The following CFAP299 variants were observed in gnomAD, a reference collection of about 807,000 sequenced individuals.
CFAP299 encodes the protein cilia- and flagella-associated protein 299.
A neutral mutation model predicts 27.0 loss-of-function variants in CFAP299; 21 were observed. The ratio of observed to expected loss-of-function variants is 0.78; its 90% CI spans 0.55 to 1.12. The LOEUF (loss-of-function observed/expected upper bound fraction) is 1.12, where lower values mean the gene tolerates loss of function less well. CFAP299 is among the 50% of genes most tolerant of loss of function. The pLI is 0.00. For missense variants in CFAP299, 310 were observed against 276.6 expected (o/e 1.12, Z -0.86); for synonymous variants, 104 against 98.1 (o/e 1.06, Z -0.36).
intron 2 of CFAP299, among the ~76,000 whole-genome samples, chr4:80,451,579 G>A (rs572107909): frequency 4.7e-4 from 72 of 152,110 alleles, no homozygotes; most frequent in Non-Finnish European, 7.6e-4. Context: ...ACACAGTATG[G>A]TATTATCTAC....
chr4:80,961,997 G>A (rs1738367201), intron 5 of CFAP299, among the ~76,000 whole-genome samples: 1 of 151,740 alleles, frequency 6.6e-6, no homozygotes, highest in Non-Finnish European at 1.5e-5. Flanking sequence ...CACAAAAATA[G>A]CCAAAAAGGA....
intron 3 of CFAP299, among the ~76,000 whole-genome samples, chr4:80,764,478 G>A (rs569081107): frequency 1.2e-4 from 18 of 152,224 alleles, no homozygotes; most frequent in African/African-American, 3.9e-4. Context: ...AAATAGGAAC[G>A]CGTTTACATA....
chr4:80,884,303 G>A (rs995513906), intron 4 of CFAP299, among the ~76,000 whole-genome samples: 1 of 152,062 alleles, frequency 6.6e-6, no homozygotes, highest in African/African-American at 2.4e-5. Flanking sequence ...TTTTAAAATT[G>A]GATCAAGTTT....
intron 3 of CFAP299, among the ~76,000 whole-genome samples, chr4:80,661,230 A>G (rs371141884): frequency 2.0e-5 from 3 of 151,762 alleles, no homozygotes; most frequent in African/African-American, 7.2e-5. Flanking sequence ...GGAGGCTGCA[A>G]CAAGAGAATT....
chr4:80,383,397 C>T (rs1485026636), intron 2 of CFAP299, among the ~76,000 whole-genome samples: 1 of 151,822 alleles, frequency 6.6e-6, no homozygotes, highest in Non-Finnish European at 1.5e-5. Context: ...TCAGTGTCCA[C>T]CCAGAACAAC....
At chr4:80,602,811 G>A (rs890372271) in intron 3 of CFAP299, among the ~76,000 whole-genome samples, 1 of 152,112 alleles carries the variant, frequency 6.6e-6, no homozygotes, top group Non-Finnish European at 1.5e-5. Flanking sequence ...CTGCCCTTTG[G>A]CCTTATAAAT....
At chr4:80,632,970 A>AT (rs1335531567) in intron 3 of CFAP299, among the ~76,000 whole-genome samples, 2 of 152,172 alleles carry the variant, frequency 1.3e-5, no homozygotes, top group Non-Finnish European at 2.9e-5. Flanking sequence ...ATATTATGTG[A>AT]TTTTTATTTG....
At chr4:80,338,682 A>G (rs75793303) in intron 1 of CFAP299, among the ~76,000 whole-genome samples, 10,224 of 152,278 alleles carry the variant, frequency 0.067, 366 homozygotes, top group Middle Eastern at 0.18. Context: ...CGCCTGATGT[A>G]GTGGATATTG....
chr4:80,523,671 A>G (rs543219092), intron 2 of CFAP299, among the ~76,000 whole-genome samples: 88 of 152,308 alleles, frequency 5.8e-4, no homozygotes, highest in Admixed American at 2.5e-3. Flanking sequence ...CACCCATCTT[A>G]TCCTGCCTTC....
At chr4:80,424,690 T>C (rs1186519110) in intron 2 of CFAP299, among the ~76,000 whole-genome samples, 1 of 152,164 alleles carries the variant, frequency 6.6e-6, no homozygotes, top group African/African-American at 2.4e-5. Flanking sequence ...ATAAAGAACA[T>C]GAAGACACAG....
chr4:80,774,994 A>G (rs941787620), intron 3 of CFAP299, among the ~76,000 whole-genome samples: 2 of 151,978 alleles, frequency 1.3e-5, no homozygotes, highest in African/African-American at 2.4e-5. Context: ...AGCATGGCAT[A>G]TGTATACATA....
chr4:80,474,559 A>G (rs1227199665), intron 2 of CFAP299, among the ~76,000 whole-genome samples: 1 of 152,212 alleles, frequency 6.6e-6, no homozygotes, highest in African/African-American at 2.4e-5. Context: ...ATACTTTGAT[A>G]AACAATTTAA....
In CFAP299 at chr4:80,390,444, G is replaced by A. The variant is rs116042827; in HGVS notation, c.242+27560G>A. Among the ~76,000 whole-genome samples the A allele has an allele frequency of 3.3e-5, 5 of 149,642 alleles. No individual in the cohort carries two copies. The South Asian group carries it at 1.0e-3, about 31-fold the overall frequency. ...TTCATAGTGATGTTGCAGATGATAG[G>A]ATTTTCTTCATTTTAAAGACTGAGC... On this transcript the variant is annotated intron_variant, in intron 2 of 5. Coordinates refer to ENST00000358105, the MANE Select transcript of CFAP299 (RefSeq NM_152770.3).
intron 2 of CFAP299, chr4:80,387,681 G>C (rs1405128580): frequency 1.3e-6 from 2 of 1,569,992 alleles, no homozygotes; most frequent in Non-Finnish European, 1.8e-6. Context: ...TAGACTTCTG[G>C]GCAAAGGCAT....
At chr4:80,354,228 T>G (rs1723151400) in intron 1 of CFAP299, among the ~76,000 whole-genome samples, 1 of 152,212 alleles carries the variant, frequency 6.6e-6, no homozygotes, top group South Asian at 2.1e-4. Flanking sequence ...CATATCATTT[T>G]CATTTCAGAG....
intron 3 of CFAP299, among the ~76,000 whole-genome samples, chr4:80,717,825 A>G (rs1321559700): frequency 6.6e-6 from 1 of 152,112 alleles, no homozygotes; most frequent in African/African-American, 2.4e-5. Context: ...GTAAAGTTAC[A>G]CTTTTATAAA....
intron 2 of CFAP299, among the ~76,000 whole-genome samples, chr4:80,504,506 T>TATATATATATATATATATA (rs57743936): frequency 1.6e-5 from 2 of 126,336 alleles, no homozygotes; most frequent in Non-Finnish European, 3.4e-5. Flanking sequence ...TATATATATA[T>TATATATATATATATATATA]TTTCCTTTGA....
chr4:80,422,167 C>G (rs141027992), intron 2 of CFAP299, among the ~76,000 whole-genome samples: 2,987 of 152,252 alleles, frequency 0.02, 53 homozygotes, highest in Admixed American at 0.06. Flanking sequence ...ACATGATGCT[C>G]TCATTCCACT....
intron 2 of CFAP299, among the ~76,000 whole-genome samples, chr4:80,542,022 G>A (rs1234146209): frequency 6.6e-6 from 1 of 151,714 alleles, no homozygotes; most frequent in Non-Finnish European, 1.5e-5. Flanking sequence ...AGAAAAATAA[G>A]AAAATCCAAA....
Sources: gnomAD v4.1 joint callset for allele counts (sites outside exome capture counted in the v4.1 genomes callset) on GRCh38, gnomAD v4.1.1 for gene constraint, MANE v1.5 for transcripts, NCBI Gene and HGNC (gene_info 2026-07-23, HGNC 2026-07-21) for gene names.